ATP13A1: variants seen among roughly 807,000 people sequenced by gnomAD.
ATP13A1 encodes endoplasmic reticulum transmembrane helix translocase.
In ATP13A1, 55 loss-of-function variants were observed where a neutral mutation model predicts 134.8. The observed-to-expected ratio is 0.41, with a 90% CI of 0.33 to 0.51. The LOEUF is 0.51. Among genes scored for constraint, ATP13A1 ranks in the 20% least tolerant of loss-of-function variants. The pLI is 0.29. For synonymous variants in ATP13A1, 775 were observed against 725.1 expected, an observed-to-expected ratio of 1.07 and a Z score of -1.10; for missense variants, 1,389 against 1,652.8, an observed-to-expected ratio of 0.84 and a Z score of 2.77.
In ATP13A1 at chr19:19,656,614, T is replaced by A; in HGVS notation, c.1083+46A>T. On this transcript the variant is annotated intron_variant, in intron 7 of 25. Transcript: ENST00000357324. The surrounding 1 kb of genome is among the most constrained non-coding windows in gnomAD (Gnocchi z 4.6). ...CCCCCTGGGCCTCCACCTCCTGGCC[T>A]GTTTCCTCCTGAACAGCTTGAGGAT... is the stretch of plus-strand genomic sequence containing the variant. The A allele has an allele frequency of 6.3e-7, 1 of 1,583,662 alleles. No individual in the cohort carries two copies. Among genetic ancestry groups the A allele is most frequent in the Non-Finnish European group, 8.6e-7 (1 of 1,162,416 alleles).
At chr19:19,652,874 C>A (rs2062033692) in intron 15 of ATP13A1, 154 bp from the exon 16 acceptor site, 1 of 1,118,034 alleles carries the variant, frequency 8.9e-7, no homozygotes, top group East Asian at 2.7e-5. Context: ...GGAGAAATGC[C>A]AGGAGGGTAC....
intron 1 of ATP13A1, 149 bp from the exon 2 acceptor site, chr19:19,660,136 T>C: frequency 1.4e-6 from 1 of 692,266 alleles, no homozygotes; most frequent in Non-Finnish European, 2.4e-6. Flanking sequence ...CCCTCGTCTG[T>C]CATCAGGACA....
chr19:19,648,238 G>A (rs774573344), intron 19 of ATP13A1, among the ~76,000 whole-genome samples: 5 of 152,130 alleles, frequency 3.3e-5, no homozygotes, highest in Non-Finnish European at 7.4e-5. Flanking sequence ...AGAATCGCTT[G>A]AACCCGGGAG....
chr19:19,654,067 T>G lies in ATP13A1; in HGVS notation c.1891A>C (p.Lys631Gln). The change falls in exon 14 of 26, where the codon AAG (lysine) becomes CAG (glutamine). Residue 631 changes from lysine (K) to glutamine (Q), a missense_variant. Lys to Gln is a moderately conservative substitution (Grantham distance 53). Coordinates refer to ENST00000357324, the MANE Select transcript of ATP13A1 (RefSeq NM_020410.3). ...TACGAGGCAAGCACGGACATTCGCT[T>G]CAGGGCACTGGCAAAATGAAAGCGC... ...HQRFHFASAL[K>Q]RMSVLASYEK... The G allele has an allele frequency of 6.3e-7, 1 of 1,596,212 alleles. No homozygotes were observed. The highest frequency in any genetic ancestry group is 8.5e-7 in the Non-Finnish European group (1 of 1,171,556).
chr19:19,659,640 G>A lies in ATP13A1; in HGVS notation c.638C>T (p.Ser213Leu), dbSNP rs757241388. The A allele has an allele frequency of 3.7e-6, 6 of 1,613,594 alleles. No homozygotes were observed. In the African/African-American group the frequency reaches 6.7e-5, roughly 18 times the overall value. Residue 213 changes from serine (S) to leucine (L), a missense_variant, in exon 3 of 26, where the codon TCA (serine) becomes TTA (leucine). By Grantham distance (145) the Ser-to-Leu change is moderately radical. This residue lies in a region of ATP13A1 where 747 missense variants were observed against 956.1 expected (regional missense o/e 0.78). Coordinates refer to ENST00000357324, the MANE Select transcript of ATP13A1 (RefSeq NM_020410.3). ...YQSNRGFQEDSEIRAAEKKFG... is the reference protein window; with the variant it reads ...YQSNRGFQEDLEIRAAEKKFG... ...TTTCTTCTCAGCTGCTCGGATCTCT[G>A]AGTCTTCCTGGAAGCCTCTGTTGCT...
chr19:19,660,078 TGG>T (rs1165580491), intron 1 of ATP13A1, 91 bp from the exon 2 acceptor site: 3 of 1,081,100 alleles, frequency 2.8e-6, no homozygotes, highest in Non-Finnish European at 2.7e-6. Flanking sequence ...AGCAGCTCTA[TGG>T]GTATATTCTG....
chr19:19,655,064 G>A lies in ATP13A1; in HGVS notation c.1655+55C>T, dbSNP rs995540982. ...GGGGTGGATGGGCCACCTGTCTCTC[G>A]ACTTCCCAGAAACCCCATCTGGGTG... On this transcript the variant is annotated intron_variant, in intron 12 of 25. Coordinates refer to ENST00000357324, the MANE Select transcript of ATP13A1 (RefSeq NM_020410.3). This position sits in a 1 kb window ranked among gnomAD's most constrained non-coding sequence, Gnocchi z 5.7. The A allele has an allele frequency of 9.4e-6, 15 of 1,604,190 alleles. No homozygotes were observed. Among genetic ancestry groups the A allele is most frequent in the Admixed American group, 6.8e-5 (4 of 59,164 alleles).
rs748387676 is a variant in ATP13A1 at position 19,645,692 on chromosome 19, C to T, written c.3459G>A (p.Ser1153=). 3 of 1,577,836 alleles carry T rather than the reference C, an allele frequency of 1.9e-6. No homozygotes were observed. Among genetic ancestry groups the T allele is most frequent in the Non-Finnish European group, 2.6e-6 (3 of 1,162,250 alleles). ...GGCCAAACTGGCTGTTGAAGTCGGG[C>T]GAGGAGCCGAGGAGCAGGCCAATGA... ...LAIIGLLLGS[S]PDFNSQFGLV... is the part of the protein sequence containing the mutation. Residue 1153 remains serine (S), a synonymous_variant, in exon 25 of 26, where the codon TCG becomes TCA. Transcript: ENST00000357324. This position sits in a 1 kb window ranked among gnomAD's most constrained non-coding sequence, Gnocchi z 4.1.
intron 12 of ATP13A1, 42 bp from the exon 13 acceptor site, chr19:19,654,742 T>G (rs756054218): frequency 3.2e-6 from 5 of 1,574,696 alleles, no homozygotes; most frequent in Non-Finnish European, 4.3e-6. Flanking sequence ...TGCAGGCGGG[T>G]AGGGCGAAGC....
In ATP13A1 at chr19:19,651,677, C is replaced by T. The variant is rs1305762635; in HGVS notation, c.2335+12G>A. 18 of 1,605,416 alleles carry T rather than the reference C, an allele frequency of 1.1e-5. No individual in the cohort carries two copies. The highest frequency in any genetic ancestry group is 1.5e-5 in the Non-Finnish European group (18 of 1,175,406). On this transcript the variant is annotated intron_variant, in intron 17 of 25. Coordinates refer to ENST00000357324, the MANE Select transcript of ATP13A1 (RefSeq NM_020410.3). ...TCCCCCTTCCCCACTGTGGGCCAGG[C>T]TAGGGCCTCACCTTTCTCGGAGGGA...
In ATP13A1 at chr19:19,654,564, C is replaced by T. The variant is rs769570554; in HGVS notation, c.1792G>A (p.Val598Met). The T allele has an allele frequency of 2.5e-6, 4 of 1,611,052 alleles. No individual in the cohort carries two copies. The highest frequency in any genetic ancestry group is 2.2e-5 in the East Asian group (1 of 44,856). ...DPLEKAMLTA[V>M]DWTLTKDEKV... ...TCACCTTTGGTCAGCGTCCAGTCCA[C>T]GGCCGTCAGCATGGCCTTCTCTAGA... Residue 598 changes from valine (V) to methionine (M), a missense_variant, in exon 13 of 26, where the codon GTG becomes ATG. Physicochemically the swap from Val to Met is conservative, Grantham distance 21. This residue lies in a region of ATP13A1 where 747 missense variants were observed against 956.1 expected (regional missense o/e 0.78). Coordinates refer to ENST00000357324, the MANE Select transcript of ATP13A1 (RefSeq NM_020410.3).
At position 19,663,613 on chromosome 19, in the gene ATP13A1, G is replaced by A; in HGVS notation, c.54C>T (p.Cys18=). 1 of 1,385,202 alleles carries A rather than the reference G, an allele frequency of 7.2e-7. No homozygotes were observed. Among genetic ancestry groups the A allele is most frequent in the Non-Finnish European group, 9.3e-7 (1 of 1,078,052 alleles). 85.8% of individuals were successfully genotyped at this position (1,385,202 alleles called of 1,614,324 possible). The change falls in exon 1 of 26, where the codon TGC becomes TGT. Residue 18 remains cysteine (C), a synonymous_variant. Transcript: ENST00000357324. The part of the protein sequence containing the change: ...GNAVPCGARP[C]GVRPDGQPKP... The stretch of plus-strand genomic sequence containing the variant: ...TGGGCTGCCCGTCAGGCCGGACCCC[G>A]CAAGGCCGGGCCCCGCAGGGCACCG...
Position 19,645,343 on chromosome 19 carries a change from C to T in ATP13A1, c.*79G>A. ...CAGCCTTGCTGTGGGGGGTTGGGGGCAGGGTTCCCTCCCGGGGCCCTGTTG... is the reference window on the plus strand; with the variant it reads ...CAGCCTTGCTGTGGGGGGTTGGGGGTAGGGTTCCCTCCCGGGGCCCTGTTG... On this transcript the variant is annotated 3_prime_UTR_variant, in exon 26 of 26. Transcript: ENST00000357324. This position sits in a 1 kb window ranked among gnomAD's most constrained non-coding sequence, Gnocchi z 4.1. The T allele has an allele frequency of 2.1e-6, 3 of 1,450,396 alleles. No individual in the cohort carries two copies. Among genetic ancestry groups the T allele is most frequent in the South Asian group, 1.2e-5 (1 of 80,182 alleles). 89.8% of individuals were successfully genotyped at this position (1,450,396 alleles called of 1,614,324 possible).
intron 17 of ATP13A1, chr19:19,651,413 C>T: frequency 3.1e-6 from 1 of 319,540 alleles, no homozygotes; most frequent in Non-Finnish European, 5.8e-6. Context: ...GGAGCAGTAT[C>T]TGCCCATGAG....
Position 19,649,741 on chromosome 19 carries a change from C to T in ATP13A1, c.2535G>A (p.Lys845=). The T allele has an allele frequency of 1.2e-6, 2 of 1,604,084 alleles. No individual in the cohort carries two copies. The highest frequency in any genetic ancestry group is 8.5e-7 in the Non-Finnish European group (1 of 1,173,630). The change falls in exon 18 of 26, where the codon AAG becomes AAA. Residue 845 remains lysine, a splice_region_variant and synonymous_variant. Transcript: ENST00000357324. Reference sequence around the variant, plus strand: ...CTGACCCCTAGGGCTGTGCACATACCTTCTGCTTGGGAGCCACACGGGCGA... The same window carrying T: ...CTGACCCCTAGGGCTGTGCACATACTTTCTGCTTGGGAGCCACACGGGCGA... The part of the protein sequence containing the change: ...QVFARVAPKQ[K]EFVITSLKEL...
Position 19,663,439 on chromosome 19 carries a change from CG to C in ATP13A1, c.227del (p.Pro76ArgfsTer67). On this transcript the variant is annotated frameshift_variant, in exon 1 of 26. Transcript: ENST00000357324. LOFTEE classifies it high-confidence loss of function. ...CAGCGGCTGCGGCACCCAACCAGGC[CG>C]GGTAAAGCAGCCCGGCGAATGGCAG... ...TVLPFAGLLY[P>X]AWLGAAAAGC... 6.4e-7 allele frequency: 1 copy of C among 1,563,356 alleles called. No individual in the cohort carries two copies. The highest frequency in any genetic ancestry group is 8.6e-7 in the Non-Finnish European group (1 of 1,157,558).
chr19:19,658,057 G>A (rs192845355), intron 3 of ATP13A1, among the ~76,000 whole-genome samples: 2 of 148,474 alleles, frequency 1.3e-5, no homozygotes, highest in Admixed American at 1.4e-4. Context: ...GCTGAGGCAG[G>A]ATGAATGCTT....
chr19:19,663,583 G>A lies in ATP13A1; in HGVS notation c.84C>T (p.Pro28=). The A allele has an allele frequency of 6.8e-7, 1 of 1,462,068 alleles. No homozygotes were observed. The highest frequency in any genetic ancestry group is 8.9e-7 in the Non-Finnish European group (1 of 1,117,974). The allele number at this position is 1,462,068 out of a possible 1,614,324, so 90.6% of individuals were successfully genotyped here. The change falls in exon 1 of 26, where the codon CCC becomes CCT. Residue 28 remains proline, a synonymous_variant. Transcript: ENST00000357324. The stretch of plus-strand genomic sequence containing the variant: ...CAAGGAGCGCGCGCGGCTGCGGCCC[G>A]GGCTTGGGCTGCCCGTCAGGCCGGA... ...CGVRPDGQPK[P]GPQPRALLAA...
chr19:19,660,176 C>T lies in ATP13A1; in HGVS notation c.397-189G>A, dbSNP rs1332521207. 2.0e-5 allele frequency among the ~76,000 whole-genome samples: 3 copies of T among 152,298 alleles called. No homozygotes were observed. The East Asian group carries it at 5.8e-4, about 29-fold the overall frequency. The stretch of plus-strand genomic sequence containing the variant: ...AGACCATCTTGCTGTGCCTCTGGTG[C>T]CACACTTAAAGCTGGGAGCACAAGG... On this transcript the variant is annotated intron_variant, in intron 1 of 25. Coordinates refer to ENST00000357324, the MANE Select transcript of ATP13A1 (RefSeq NM_020410.3).
Sources: allele counts gnomAD v4.1 joint callset (sites outside exome capture counted in the v4.1 genomes callset), GRCh38; gene constraint gnomAD v4.1.1; regional missense constraint gnomAD v4.1.1; non-coding constraint Gnocchi (gnomAD v3.1); transcripts MANE v1.5; gene names NCBI Gene and HGNC (gene_info 2026-07-23, HGNC 2026-07-21).